The following SVOP variants were observed in gnomAD, a reference collection of about 807,000 sequenced individuals.
SVOP encodes the protein SV2 related protein.
In SVOP, 17 loss-of-function variants were observed where a neutral mutation model predicts 69.1. The observed-to-expected ratio is 0.25, with a 90% confidence interval of 0.17 to 0.37. The LOEUF is 0.37. Among genes scored for constraint, SVOP ranks in the 10% least tolerant of loss-of-function variants. The pLI is 1.00. For synonymous variants in SVOP, 238 were observed against 238.6 expected (o/e 1.00, Z 0.02); for missense variants, 435 against 597.5 (o/e 0.73, Z 2.84).
chr12:108,959,233 C>T (rs1236363557), intron 6 of SVOP, among the ~76,000 whole-genome samples: 1 of 152,132 alleles, frequency 6.6e-6, no homozygotes, highest in African/African-American at 2.4e-5. Flanking sequence ...CTTCTAGGTA[C>T]CTCCGCTGCT....
At chr12:108,972,816 C>G (rs1327981793) in intron 4 of SVOP, among the ~76,000 whole-genome samples, 1 of 152,226 alleles carries the variant, frequency 6.6e-6, no homozygotes, top group East Asian at 1.9e-4. Flanking sequence ...TTCACACCAT[C>G]CCAAAGAAAC....
chr12:108,931,746 A>G (rs1053004991), intron 11 of SVOP, among the ~76,000 whole-genome samples: 1 of 152,020 alleles, frequency 6.6e-6, no homozygotes, highest in Non-Finnish European at 1.5e-5. Flanking sequence ...AGGCAGGAGA[A>G]TAACTTGAAC....
intron 11 of SVOP, among the ~76,000 whole-genome samples, chr12:108,929,865 C>T (rs1429907585): frequency 6.6e-6 from 1 of 152,136 alleles, no homozygotes; most frequent in Non-Finnish European, 1.5e-5. Flanking sequence ...TAGACCAGTA[C>T]CTGGCGTGTA....
chr12:108,953,898 G>A (rs980718457), intron 6 of SVOP, among the ~76,000 whole-genome samples: 2 of 151,968 alleles, frequency 1.3e-5, no homozygotes, highest in African/African-American at 4.8e-5. Context: ...AATCGCTTGA[G>A]GTCAGGAGTT....
At chr12:108,915,191 T>C (rs1269109413) in intron 15 of SVOP, among the ~76,000 whole-genome samples, 1 of 130,042 alleles carries the variant, frequency 7.7e-6, no homozygotes, top group Non-Finnish European at 1.6e-5. Flanking sequence ...AAAAAAAAAA[T>C]CAACTTTTAT....
chr12:108,950,248 T>C (rs1055342229), intron 6 of SVOP, among the ~76,000 whole-genome samples: 2 of 150,198 alleles, frequency 1.3e-5, no homozygotes, highest in Non-Finnish European at 3.0e-5. Flanking sequence ...TTTCTTTCTT[T>C]TTTTTTTTTT....
At chr12:108,957,233 A>C (rs1212165903) in intron 6 of SVOP, among the ~76,000 whole-genome samples, 2 of 152,142 alleles carry the variant, frequency 1.3e-5, no homozygotes, top group Non-Finnish European at 2.9e-5. Flanking sequence ...GCGCGCTCTC[A>C]GCTCACTGCA....
intron 1 of SVOP, among the ~76,000 whole-genome samples, chr12:109,018,417 A>G (rs1386752830): frequency 6.6e-6 from 1 of 152,032 alleles, no homozygotes; most frequent in African/African-American, 2.4e-5. Flanking sequence ...CCCATTCCCC[A>G]ACCATGTGAA....
intron 6 of SVOP, among the ~76,000 whole-genome samples, chr12:108,954,310 G>A (rs1206244923): frequency 1.3e-5 from 2 of 152,028 alleles, no homozygotes; most frequent in East Asian, 3.9e-4. Flanking sequence ...TAAGATGAGC[G>A]TTAAAGTGGT....
At chr12:108,989,616 G>A (rs2137443658) in intron 1 of SVOP, among the ~76,000 whole-genome samples, 2 of 152,250 alleles carry the variant, frequency 1.3e-5, no homozygotes, top group Middle Eastern at 6.8e-3. Flanking sequence ...CAGCAGTGGA[G>A]AGCATAATCT....
chr12:108,988,249 C>A (rs1036552141), intron 1 of SVOP, among the ~76,000 whole-genome samples: 1 of 152,048 alleles, frequency 6.6e-6, no homozygotes, highest in African/African-American at 2.4e-5. Context: ...TTGATGTAGC[C>A]CGATATATCT....
At chr12:108,932,863 T>C (rs1030312657) in intron 11 of SVOP, among the ~76,000 whole-genome samples, 1 of 152,158 alleles carries the variant, frequency 6.6e-6, no homozygotes, top group Non-Finnish European at 1.5e-5. Flanking sequence ...CAAAATATTT[T>C]ACTCCCAAAT....
intron 14 of SVOP, among the ~76,000 whole-genome samples, chr12:108,916,771 C>T (rs2137386288): frequency 6.6e-6 from 1 of 152,302 alleles, no homozygotes; most frequent in East Asian, 1.9e-4. Flanking sequence ...GAGACAGGGT[C>T]TCACTCTGTC....
intron 7 of SVOP, among the ~76,000 whole-genome samples, chr12:108,943,866 C>T (rs1020110040): frequency 1.2e-4 from 13 of 106,422 alleles, no homozygotes; most frequent in Non-Finnish European, 4.7e-5. Flanking sequence ...CCTCTTCTTC[C>T]TCTTCCTCTT....
At chr12:108,953,108 G>T (rs920828296) in intron 6 of SVOP, among the ~76,000 whole-genome samples, 3 of 150,864 alleles carry the variant, frequency 2.0e-5, no homozygotes, top group Non-Finnish European at 4.4e-5. Flanking sequence ...TCAGCGTAGA[G>T]GAATGGGCTC....
At position 108,910,871 on chromosome 12, in the gene SVOP, T is replaced by C. The variant is rs548944800; in HGVS notation, c.*1664A>G. ...TAGGACATGATGACAATGAATAAAC[T>C]TAGGCTCTTGCAATGTCCATCACTG... On this transcript the variant is annotated 3_prime_UTR_variant, in exon 16 of 16. Coordinates refer to ENST00000610966, the MANE Select transcript of SVOP (RefSeq NM_018711.5). 1.3e-5 allele frequency: 2 copies of C among 152,294 alleles called. No individual in the cohort carries two copies. Among genetic ancestry groups the C allele is most frequent in the East Asian group, 3.9e-4 (2 of 5,178 alleles). 9.4% of individuals were successfully genotyped at this position (152,294 alleles called of 1,614,324 possible).
At chr12:108,997,376 G>T (rs2040241153) in intron 1 of SVOP, among the ~76,000 whole-genome samples, 1 of 150,466 alleles carries the variant, frequency 6.6e-6, no homozygotes, top group Non-Finnish European at 1.5e-5. Flanking sequence ...CGGCAGCGAG[G>T]CTGGGGGAGG....
intron 2 of SVOP, among the ~76,000 whole-genome samples, chr12:108,982,750 C>G (rs1223909551): frequency 2.0e-5 from 3 of 150,704 alleles, no homozygotes; most frequent in African/African-American, 7.3e-5. Flanking sequence ...TCACCATCAT[C>G]ATCATCACTA....
intron 8 of SVOP, among the ~76,000 whole-genome samples, 200 bp from the exon 9 acceptor site, chr12:108,939,155 AT>A (rs1456998547): frequency 6.6e-6 from 1 of 152,154 alleles, no homozygotes; most frequent in Non-Finnish European, 1.5e-5. Flanking sequence ...CTGTGCTTTC[AT>A]TTCCTTCTCC....
Sources: allele counts gnomAD v4.1 joint callset (sites outside exome capture counted in the v4.1 genomes callset), GRCh38; gene constraint gnomAD v4.1.1; transcripts MANE v1.5; gene names NCBI Gene and HGNC (gene_info 2026-07-23, HGNC 2026-07-21).